Variants in RASSF6 observed in about 807,000 individuals in gnomAD.
RASSF6 encodes the protein ras association domain-containing protein 6.
Under a neutral mutation model 44.0 loss-of-function variants are expected in RASSF6, and 52 were observed. That is an observed-to-expected ratio of 1.18 (90% CI 0.95 to 1.49). The LOEUF (loss-of-function observed/expected upper bound fraction) is 1.49. Ranked by LOEUF, RASSF6 falls within the 40% of genes most tolerant of loss-of-function variation. The probability of loss-of-function intolerance (pLI) is 0.00; values close to 1 mark genes in which losing one functional copy is unlikely to be tolerated. For synonymous variants in RASSF6, 162 were observed against 124.6 expected (o/e 1.30, Z -2.00); for missense variants, 464 against 393.3 (o/e 1.18, Z -1.52).
chr4:73,601,304 G>T (rs1203740186), intron 2 of RASSF6, among the ~76,000 whole-genome samples: 3 of 152,180 alleles, frequency 2.0e-5, no homozygotes, highest in Admixed American at 6.5e-5. Flanking sequence ...ACACTAATTT[G>T]TCTGCTCATT....
chr4:73,607,949 C>G (rs1461197611), intron 2 of RASSF6, among the ~76,000 whole-genome samples: 1 of 90,644 alleles, frequency 1.1e-5, no homozygotes, highest in Non-Finnish European at 2.2e-5. Context: ...CTCCTCTCCT[C>G]TCCTCCATCC....
chr4:73,598,436 TAGAA>T (rs1282257033), intron 3 of RASSF6, among the ~76,000 whole-genome samples, 200 bp downstream of exon 3: 4 of 152,204 alleles, frequency 2.6e-5, no homozygotes, highest in Non-Finnish European at 4.4e-5. Flanking sequence ...ATTTTTAAAA[TAGAA>T]AGAAAATATG....
intron 2 of RASSF6, among the ~76,000 whole-genome samples, chr4:73,602,583 G>T (rs1424137361): frequency 2.2e-4 from 1 of 4,462 alleles, no homozygotes; most frequent in African/African-American, 2.8e-4. Context: ...ATTTTTTTAG[G>T]GTCCACCTGT....
intron 1 of RASSF6, among the ~76,000 whole-genome samples, chr4:73,620,035 T>G (rs1292133400): frequency 6.6e-6 from 1 of 151,894 alleles, no homozygotes; most frequent in Non-Finnish European, 1.5e-5. Context: ...ATGGTCACAT[T>G]TACCTCCAAG....
chr4:73,592,888 C>T (rs1045673147), intron 4 of RASSF6, among the ~76,000 whole-genome samples: 1 of 152,148 alleles, frequency 6.6e-6, no homozygotes, highest in African/African-American at 2.4e-5. Context: ...GAGTCAAGAC[C>T]ACAGGCTGTG....
At position 73,575,554 on chromosome 4, in the gene RASSF6, A is replaced by G. The variant is rs1028717420; in HGVS notation, c.*681T>C. The stretch of plus-strand genomic sequence containing the variant: ...AAGAAAAAGTTCAATTAACTTAAAA[A>G]AGAGCTTAAGAAAAGCTTTGAACTG... On this transcript the variant is annotated 3_prime_UTR_variant, in exon 11 of 11. Transcript: ENST00000307439. 17 of 152,214 alleles carry G rather than the reference A, an allele frequency of 1.1e-4. No homozygotes were observed. The highest frequency in any genetic ancestry group is 4.1e-4 in the African/African-American group (17 of 41,462). 9.4% of individuals were successfully genotyped at this position (152,214 alleles called of 1,614,324 possible).
In RASSF6 at chr4:73,573,835, ACT is replaced by A. The variant is rs1418590862; in HGVS notation, c.*2398_*2399del. 2.0e-5 allele frequency: 3 copies of A among 151,902 alleles called. No homozygotes were observed. Among genetic ancestry groups the A allele is most frequent in the Non-Finnish European group, 4.4e-5 (3 of 67,988 alleles). The allele number at this position is 151,902 out of a possible 1,614,324, so 9.4% of individuals were successfully genotyped here. ...GCCCGCTCCGTGAAAATAGATATAG[ACT>A]CTTGAAATGTTTCCTTTGCAGCTTG... On this transcript the variant is annotated 3_prime_UTR_variant, in exon 11 of 11. Transcript: ENST00000307439.
chr4:73,619,976 G>T (rs1726597939), intron 1 of RASSF6, among the ~76,000 whole-genome samples: 1 of 152,162 alleles, frequency 6.6e-6, no homozygotes, highest in African/African-American at 2.4e-5. Flanking sequence ...TTTTTGCCAG[G>T]CACAATTACA....
chr4:73,591,800 C>T (rs1340031843), intron 4 of RASSF6, among the ~76,000 whole-genome samples: 2 of 152,026 alleles, frequency 1.3e-5, no homozygotes, highest in African/African-American at 4.8e-5. Flanking sequence ...GGGGATTTTG[C>T]TCTATACTAT....
At position 73,611,896 on chromosome 4, in the gene RASSF6, G is replaced by A. The variant is rs1456651878; in HGVS notation, c.-34-67C>T. 9 of 1,141,376 alleles carry A rather than the reference G, an allele frequency of 7.9e-6. No individual in the cohort carries two copies. The East Asian group carries it at 1.7e-4, about 21-fold the overall frequency. The allele number at this position is 1,141,376 out of a possible 1,614,324, so 70.7% of individuals were successfully genotyped here. A position where few individuals can be genotyped will look rare whatever the true frequency, so the allele number is the denominator to read the frequency against. ...ATTAAAAAATTAGTTTCTGATTTAAGTTGAGTGTTTTGTTGTGTCTCTAGA... is the reference window on the plus strand; with the variant it reads ...ATTAAAAAATTAGTTTCTGATTTAAATTGAGTGTTTTGTTGTGTCTCTAGA... On this transcript the variant is annotated intron_variant, in intron 1 of 10. Transcript: ENST00000307439.
intron 3 of RASSF6, among the ~76,000 whole-genome samples, chr4:73,594,103 T>C (rs559519872): frequency 1.3e-5 from 2 of 152,356 alleles, no homozygotes; most frequent in Non-Finnish European, 2.9e-5. Flanking sequence ...GATATATTTT[T>C]TGTAAAAACA....
intron 4 of RASSF6, among the ~76,000 whole-genome samples, chr4:73,591,452 G>A (rs1420643721): frequency 1.3e-5 from 2 of 152,160 alleles, no homozygotes; most frequent in African/African-American, 2.4e-5. Flanking sequence ...TGACTGCTCA[G>A]AGAATTTTGC....
chr4:73,611,792 T>C lies in RASSF6; in HGVS notation c.4A>G (p.Thr2Ala), dbSNP rs1426955701. 3 of 1,611,248 alleles carry C rather than the reference T, an allele frequency of 1.9e-6. No homozygotes were observed. The highest frequency in any genetic ancestry group is 2.5e-6 in the Non-Finnish European group (3 of 1,177,950). M[T>A]MMAHQYPSWI... Reference sequence around the variant, plus strand: ...GAGGGGTACTGGTGAGCCATCATAGTCATCTTTTCCTCCTTTTTGAGATGG... The same window carrying C: ...GAGGGGTACTGGTGAGCCATCATAGCCATCTTTTCCTCCTTTTTGAGATGG... Residue 2 changes from threonine to alanine, a missense_variant, in exon 2 of 11, where the codon ACT becomes GCT. Thr to Ala is a moderately conservative substitution (Grantham distance 58). Transcript: ENST00000307439.
chr4:73,605,661 C>G (rs1247874236), intron 2 of RASSF6, among the ~76,000 whole-genome samples: 2 of 152,210 alleles, frequency 1.3e-5, no homozygotes, highest in African/African-American at 4.8e-5. Context: ...GAGAAGTAGT[C>G]TATCTCGATT....
intron 2 of RASSF6, 84 bp from the exon 3 acceptor site, chr4:73,598,802 G>C (rs1020112857): frequency 5.1e-6 from 3 of 589,174 alleles, no homozygotes; most frequent in East Asian, 3.4e-5. Flanking sequence ...AAAGGTATGA[G>C]ATAGAAAGAA....
chr4:73,590,455 A>G (rs2149377282), intron 4 of RASSF6, among the ~76,000 whole-genome samples: 1 of 152,368 alleles, frequency 6.6e-6, no homozygotes, highest in African/African-American at 2.4e-5. Flanking sequence ...GAAAAAGAAA[A>G]TAGTTTAAAA....
chr4:73,620,157 T>C, intron 1 of RASSF6, 131 bp downstream of exon 1: 2 of 481,374 alleles, frequency 4.2e-6, no homozygotes, highest in Non-Finnish European at 7.0e-6. Context: ...AAGGCATGTG[T>C]GCGATTCAGG....
At chr4:73,618,529 C>T (rs1340672206) in intron 1 of RASSF6, among the ~76,000 whole-genome samples, 1 of 152,114 alleles carries the variant, frequency 6.6e-6, no homozygotes, top group Non-Finnish European at 1.5e-5. Flanking sequence ...CATATTTCCT[C>T]TTTGAAAAAT....
chr4:73,578,955 C>G (rs1461788645), intron 8 of RASSF6, among the ~76,000 whole-genome samples: 1 of 152,106 alleles, frequency 6.6e-6, no homozygotes, highest in Non-Finnish European at 1.5e-5. Context: ...AATCCCCCAC[C>G]AGGTAATCTA....
Sources: allele counts gnomAD v4.1 joint callset (sites outside exome capture counted in the v4.1 genomes callset), GRCh38; gene constraint gnomAD v4.1.1; transcripts MANE v1.5; gene names NCBI Gene and HGNC (gene_info 2026-07-23, HGNC 2026-07-21).